CSPP1: variants seen among roughly 807,000 people sequenced by gnomAD.
CSPP1 encodes centrosome and spindle pole-associated protein 1.
Under a neutral mutation model 164.4 loss-of-function variants are expected in CSPP1, and 126 were observed. That is an observed-to-expected ratio of 0.77 (90% CI 0.66 to 0.89). The LOEUF (loss-of-function observed/expected upper bound fraction) is 0.89, where lower values mean the gene tolerates loss of function less well. Ranked by LOEUF, CSPP1 falls within the 40% of genes least tolerant of loss-of-function variation. CSPP1 has a pLI of 0.00. For synonymous variants in CSPP1, 472 were observed against 476.7 expected (o/e 0.99, Z 0.13); for missense variants, 1,395 against 1,449.8 (o/e 0.96, Z 0.61).
chr8:67,081,037 A>G (rs902156091), intron 3 of CSPP1: 3 of 152,106 alleles, frequency 2.0e-5, no homozygotes, highest in South Asian at 2.1e-4. Context: ...CTCAAATCAC[A>G]TGGTTGGTTT....
intron 21 of CSPP1, among the ~76,000 whole-genome samples, chr8:67,159,946 CTTCCTTCCTTCTTTCTTTTCTTTTCTT>C (rs1827768751): frequency 1.7e-5 from 1 of 57,500 alleles, no homozygotes; most frequent in Non-Finnish European, 3.6e-5. Flanking sequence ...TCCTTCCTTC[CTTCCTTCCTTCTTTCTTTTCTTTTCTT>C]TTCTTTTCTT....
intron 15 of CSPP1, among the ~76,000 whole-genome samples, chr8:67,124,664 G>C (rs1037413570): frequency 1.3e-5 from 2 of 151,694 alleles, no homozygotes; most frequent in Non-Finnish European, 1.5e-5. Flanking sequence ...CCAATGCTCA[G>C]CTAATTAAAA....
intron 13 of CSPP1, among the ~76,000 whole-genome samples, chr8:67,117,239 G>A (rs1292907815): frequency 2.0e-5 from 3 of 152,142 alleles, no homozygotes; most frequent in African/African-American, 7.2e-5. Flanking sequence ...TTTTGTTGAT[G>A]TATTTTTGTT....
At chr8:67,067,767 G>C (rs902444116) in intron 1 of CSPP1, among the ~76,000 whole-genome samples, 1 of 152,086 alleles carries the variant, frequency 6.6e-6, no homozygotes, top group South Asian at 2.1e-4. Context: ...GCGGCTGCAG[G>C]CTCTGTTTTT....
chr8:67,132,518 T>A (rs1186618342), intron 16 of CSPP1, among the ~76,000 whole-genome samples: 1 of 152,172 alleles, frequency 6.6e-6, no homozygotes, highest in African/African-American at 2.4e-5. Flanking sequence ...TTAAGCAGAT[T>A]TATATTTTAT....
At chr8:67,183,014 G>A (rs1833436411) in intron 28 of CSPP1, among the ~76,000 whole-genome samples, 1 of 152,164 alleles carries the variant, frequency 6.6e-6, no homozygotes, top group African/African-American at 2.4e-5. Context: ...TTTGTTGCCT[G>A]TGCTTTTGGT....
rs758328481 is a variant in CSPP1, at chr8:67,195,535, A to C, written c.3623A>C (p.Gln1208Pro). 1.1e-5 allele frequency: 17 copies of C among 1,614,214 alleles called. No individual in the cohort carries two copies. Among genetic ancestry groups the C allele is most frequent in the Non-Finnish European group, 1.3e-5 (15 of 1,180,034 alleles). ...GAGCAGCTGAACCAGGAGCAGCAGC[A>C]GATTCCTGGAAAACCAGGCACTTTC... ...MAEQLNQEQQQIPGKPGTFTW... is the reference protein window; with the variant it reads ...MAEQLNQEQQPIPGKPGTFTW... Residue 1208 changes from glutamine (Q) to proline (P), a missense_variant, in exon 31 of 31, where the codon CAG becomes CCG. Transcript: ENST00000678616.
chr8:67,159,929 C>T (rs1486819116), intron 21 of CSPP1, among the ~76,000 whole-genome samples: 1 of 48,104 alleles, frequency 2.1e-5, no homozygotes, highest in East Asian at 5.5e-4. Context: ...TCTTTCCTTT[C>T]CTTCCTTCCT....
rs371756330 is a variant in CSPP1 at position 67,173,554 on chromosome 8, A to G, written c.2968+999A>G. ...CTGTTTATTATAGCAAATTTTCAAA[A>G]TACAGAAAGATAGTAAGAAGGAAAA... On this transcript the variant is annotated intron_variant, in intron 25 of 30. Transcript: ENST00000678616. 7 of 152,320 alleles carry G rather than the reference A, an allele frequency of 4.6e-5. No individual in the cohort carries two copies. In the East Asian group the frequency reaches 1.2e-3, roughly 25 times the overall value. The allele number at this position is 152,320 out of a possible 1,614,324, so 9.4% of individuals were successfully genotyped here. A position where few individuals can be genotyped will look rare whatever the true frequency, so the allele number is the denominator to read the frequency against.
intron 28 of CSPP1, among the ~76,000 whole-genome samples, chr8:67,185,400 G>T (rs567724490): frequency 6.6e-6 from 1 of 152,346 alleles, no homozygotes; most frequent in South Asian, 2.1e-4. Flanking sequence ...TTAGGGGCTG[G>T]TGCTGGTGCA....
At chr8:67,067,489 AGT>A (rs1330445487) in intron 1 of CSPP1, among the ~76,000 whole-genome samples, 1 of 151,678 alleles carries the variant, frequency 6.6e-6, no homozygotes, top group Non-Finnish European at 1.5e-5. Flanking sequence ...TTGAGACAAG[AGT>A]CTCGCTCTGT....
intron 17 of CSPP1, among the ~76,000 whole-genome samples, chr8:67,148,261 C>T (rs1825011899): frequency 6.6e-6 from 1 of 152,132 alleles, no homozygotes; most frequent in African/African-American, 2.4e-5. Flanking sequence ...CCACAACTGC[C>T]TCCATTACCT....
At chr8:67,097,014 CTATT>C (rs1311453573) in intron 7 of CSPP1, among the ~76,000 whole-genome samples, 1 of 152,180 alleles carries the variant, frequency 6.6e-6, no homozygotes, top group African/African-American at 2.4e-5. Context: ...TTTTGTGACA[CTATT>C]TATAATTTCT....
At chr8:67,154,870 A>G (rs1357053870) in intron 19 of CSPP1, among the ~76,000 whole-genome samples, 1 of 152,248 alleles carries the variant, frequency 6.6e-6, no homozygotes, top group Admixed American at 6.5e-5. Flanking sequence ...TTCATCTATT[A>G]GGCAGAGAAT....
In CSPP1 at chr8:67,154,038, CAG is replaced by C. The variant is rs1489884260; in HGVS notation, c.2146_2147del (p.Ser716LeufsTer11). ...ANKSSGHMQT[Q>X]SSPFARGNVF... ...TTTCTTTCAAGGTCATATGCAAACACAGAGCTCTCCTTTTGCTCGGGGAAATG... is the reference window on the plus strand; with the variant it reads ...TTTCTTTCAAGGTCATATGCAAACACAGCTCTCCTTTTGCTCGGGGAAATG... On this transcript the variant is annotated frameshift_variant, in exon 19 of 31. Coordinates refer to ENST00000678616, the MANE Select transcript of CSPP1 (RefSeq NM_001382391.1). LOFTEE classifies it high-confidence loss of function. 6.3e-7 allele frequency: 1 copy of C among 1,590,756 alleles called. No homozygotes were observed. Among genetic ancestry groups the C allele is most frequent in the Non-Finnish European group, 8.6e-7 (1 of 1,160,420 alleles).
intron 15 of CSPP1, among the ~76,000 whole-genome samples, chr8:67,129,424 T>A (rs1262854363): frequency 1.3e-5 from 2 of 152,170 alleles, no homozygotes; most frequent in African/African-American, 4.8e-5. Context: ...ACAGAATTAC[T>A]GATTACAAAA....
At chr8:67,146,703 T>G (rs971994955) in intron 17 of CSPP1, among the ~76,000 whole-genome samples, 1 of 152,218 alleles carries the variant, frequency 6.6e-6, no homozygotes, top group Non-Finnish European at 1.5e-5. Flanking sequence ...TATTTTGATA[T>G]GTATTTTCCA....
At chr8:67,184,006 C>T (rs1833723384) in intron 28 of CSPP1, among the ~76,000 whole-genome samples, 1 of 152,014 alleles carries the variant, frequency 6.6e-6, no homozygotes, top group Non-Finnish European at 1.5e-5. Flanking sequence ...GCGCCTGCCA[C>T]CACGCCTGGC....
chr8:67,140,080 T>C (rs369556468), intron 17 of CSPP1, among the ~76,000 whole-genome samples: 30 of 152,250 alleles, frequency 2.0e-4, no homozygotes, highest in East Asian at 1.4e-3. Flanking sequence ...TAATTTATTT[T>C]AATTTAATTA....
Sources: gnomAD v4.1 joint callset for allele counts (sites outside exome capture counted in the v4.1 genomes callset) on GRCh38, gnomAD v4.1.1 for gene constraint, MANE v1.5 for transcripts, NCBI Gene and HGNC (gene_info 2026-07-23, HGNC 2026-07-21) for gene names.